Variants in GPC5 observed in about 807,000 individuals in gnomAD.
GPC5 encodes glypican-5.
In GPC5, 47 loss-of-function variants were observed where a neutral mutation model predicts 53.9. That is an observed-to-expected ratio of 0.87 (90% CI 0.69 to 1.11). The LOEUF (loss-of-function observed/expected upper bound fraction) is 1.11. GPC5 is among the 50% of genes most tolerant of loss of function. The probability of loss-of-function intolerance (pLI) is 0.00; values close to 1 mark genes in which losing one functional copy is unlikely to be tolerated. For missense variants in GPC5, 748 were observed against 713.1 expected (o/e 1.05, Z -0.56); for synonymous variants, 286 against 263.3 (o/e 1.09, Z -0.84).
At chr13:91,536,751 T>C (rs1407889133) in intron 2 of GPC5, among the ~76,000 whole-genome samples, 1 of 152,184 alleles carries the variant, frequency 6.6e-6, no homozygotes, top group South Asian at 2.1e-4. Context: ...TTTAACTAGA[T>C]TGCCTTTGCC....
At chr13:91,516,094 A>G (rs1268560249) in intron 2 of GPC5, among the ~76,000 whole-genome samples, 2 of 152,026 alleles carry the variant, frequency 1.3e-5, no homozygotes, top group Non-Finnish European at 2.9e-5. Context: ...TACAATTCGA[A>G]TTGAGATTTG....
intron 7 of GPC5, among the ~76,000 whole-genome samples, chr13:92,428,746 C>T (rs1262965406): frequency 6.6e-6 from 1 of 152,038 alleles, no homozygotes; most frequent in African/African-American, 2.4e-5. Flanking sequence ...TCATTCTGAC[C>T]TCCAGGGTAG....
In GPC5 at chr13:92,719,113, ATGT is replaced by A. The variant is rs1300327863; in HGVS notation, c.1562-147165_1562-147163del. 4.6e-5 allele frequency among the ~76,000 whole-genome samples: 7 copies of A among 151,926 alleles called. No homozygotes were observed. The East Asian group carries it at 1.4e-3, about 30-fold the overall frequency. On this transcript the variant is annotated intron_variant, in intron 7 of 7. Transcript: ENST00000377067. ...AAAGATAATAAAAGACTAATAAAAA[ATGT>A]TGTCTCTAATGACTATAAAATGTAT...
intron 7 of GPC5, among the ~76,000 whole-genome samples, chr13:92,364,368 A>T (rs916671615): frequency 1.2e-4 from 18 of 151,860 alleles, no homozygotes; most frequent in Admixed American, 1.2e-3. Flanking sequence ...CATAAGTCAT[A>T]GAAGACACTA....
chr13:92,463,914 C>G (rs1170649287), intron 7 of GPC5, among the ~76,000 whole-genome samples: 6 of 152,108 alleles, frequency 3.9e-5, no homozygotes, highest in Non-Finnish European at 8.8e-5. Context: ...AAAAGAGTGT[C>G]TTGGCACACT....
At chr13:91,450,233 A>G (rs17668277) in intron 2 of GPC5, among the ~76,000 whole-genome samples, 7,824 of 152,262 alleles carry the variant, frequency 0.051, 302 homozygotes, top group East Asian at 0.18. Flanking sequence ...GGATTTATTC[A>G]TGTGAAATTG....
chr13:91,688,990 C>A (rs963599574), intron 2 of GPC5, among the ~76,000 whole-genome samples: 1 of 151,036 alleles, frequency 6.6e-6, no homozygotes, highest in Non-Finnish European at 1.5e-5. Context: ...AAGACCCCAT[C>A]TCAACAAAAA....
chr13:92,494,063 TG>T (rs985316331), intron 7 of GPC5, among the ~76,000 whole-genome samples: 42 of 137,522 alleles, frequency 3.1e-4, no homozygotes, highest in African/African-American at 1.1e-3. Flanking sequence ...TGTTTTTTTT[TG>T]TTTGTTTGTT....
Position 91,452,984 on chromosome 13 carries a change from GGAAAATTTCCAGTTATATA to G in GPC5, c.325+4063_325+4081del, listed in dbSNP as rs555652739. On this transcript the variant is annotated intron_variant, in intron 2 of 7. Transcript: ENST00000377067. ...ATGGTGGATACTAAGTCTTTATTCT[GGAAAATTTCCAGTTATATA>G]TATAACTGGAAATGCATTATTCTAA... Among the ~76,000 whole-genome samples the G allele has an allele frequency of 1.2e-3, 189 of 151,244 alleles. 1 individual carries two copies. Among genetic ancestry groups the G allele is most frequent in the African/African-American group, 4.3e-3 (179 of 41,242 alleles).
At chr13:92,239,867 T>C (rs1350796521) in intron 7 of GPC5, 2 of 151,918 alleles carry the variant, frequency 1.3e-5, no homozygotes, top group African/African-American at 2.4e-5. Context: ...AGCTATATTA[T>C]ATTTAATAGA....
At chr13:92,127,310 T>G (rs1171644656) in intron 6 of GPC5, among the ~76,000 whole-genome samples, 1 of 151,768 alleles carries the variant, frequency 6.6e-6, no homozygotes, top group Non-Finnish European at 1.5e-5. Flanking sequence ...TGTATATATG[T>G]GTATATATAT....
intron 6 of GPC5, among the ~76,000 whole-genome samples, chr13:92,138,381 G>A (rs9516016): frequency 0.57 from 86,783 of 151,644 alleles, 25,177 homozygotes; most frequent in Non-Finnish European, 0.61. Context: ...TTACCTGGGC[G>A]TGGTGGTGTG....
intron 7 of GPC5, among the ~76,000 whole-genome samples, chr13:92,584,577 A>G (rs1410628574): frequency 6.6e-6 from 1 of 152,188 alleles, no homozygotes; most frequent in Non-Finnish European, 1.5e-5. Context: ...ATGATAGAAA[A>G]GAAAATCCAT....
intron 7 of GPC5, among the ~76,000 whole-genome samples, chr13:92,635,076 T>C (rs1445666184): frequency 6.6e-6 from 1 of 152,072 alleles, no homozygotes; most frequent in African/African-American, 2.4e-5. Context: ...CATTTATAGT[T>C]CTTATAATTA....
chr13:92,478,628 A>T (rs749412769), intron 7 of GPC5, among the ~76,000 whole-genome samples: 3 of 152,186 alleles, frequency 2.0e-5, no homozygotes, highest in Admixed American at 6.6e-5. Context: ...AGTTCAGTGA[A>T]ACCTGTCAAT....
At chr13:92,558,634 A>G (rs951847866) in intron 7 of GPC5, among the ~76,000 whole-genome samples, 4 of 151,984 alleles carry the variant, frequency 2.6e-5, no homozygotes, top group Admixed American at 2.6e-4. Flanking sequence ...GTAAGCAGGG[A>G]AGGTATATAT....
chr13:92,832,673 A>G (rs189380590), intron 7 of GPC5, among the ~76,000 whole-genome samples: 71 of 152,058 alleles, frequency 4.7e-4, no homozygotes, highest in Admixed American at 1.0e-3. Flanking sequence ...TCCAACCCAA[A>G]TTTCCCATGG....
At chr13:92,263,152 ATGT>A (rs1188115050) in intron 7 of GPC5, among the ~76,000 whole-genome samples, 1 of 152,154 alleles carries the variant, frequency 6.6e-6, no homozygotes, top group Admixed American at 6.6e-5. Flanking sequence ...TAGAATAATA[ATGT>A]TATTATATTT....
chr13:92,345,583 C>T lies in GPC5; in HGVS notation c.1561+200594C>T, dbSNP rs780527431. Among the ~76,000 whole-genome samples the T allele has an allele frequency of 3.9e-5, 6 of 152,116 alleles. 1 individual carries two copies. Among genetic ancestry groups the T allele is most frequent in the South Asian group, 2.1e-4 (1 of 4,826 alleles). On this transcript the variant is annotated intron_variant, in intron 7 of 7. Coordinates refer to ENST00000377067, the MANE Select transcript of GPC5 (RefSeq NM_004466.6). The stretch of plus-strand genomic sequence containing the variant: ...CTTGGCAACTATCTTGAGACACCCA[C>T]GTCATTTGTGGAACTGAATGAAAAT...
Sources: allele counts gnomAD v4.1 joint callset (sites outside exome capture counted in the v4.1 genomes callset), GRCh38; gene constraint gnomAD v4.1.1; transcripts MANE v1.5; gene names NCBI Gene and HGNC (gene_info 2026-07-23, HGNC 2026-07-21).